Variants in TLCD4 observed in about 807,000 individuals in gnomAD.
TLCD4 encodes TLC domain containing 4, also known as TLC domain-containing protein 4.
Under a neutral mutation model 24.2 loss-of-function variants are expected in TLCD4, and 7 were observed. The ratio of observed to expected loss-of-function variants is 0.29; its 90% CI spans 0.16 to 0.54. TLCD4 has a LOEUF of 0.54. Ranked by LOEUF, TLCD4 falls within the 20% of genes least tolerant of loss-of-function variation. The pLI is 0.95. For synonymous variants in TLCD4, 103 were observed against 106.4 expected, an observed-to-expected ratio of 0.97 and a Z score of 0.20; for missense variants, 259 against 313.9, an observed-to-expected ratio of 0.82 and a Z score of 1.32.
intron 5 of TLCD4, among the ~76,000 whole-genome samples, chr1:95,167,600 C>T (rs1005952766): frequency 1.3e-5 from 2 of 151,982 alleles, no homozygotes; most frequent in Admixed American, 6.6e-5. Context: ...CCCTGACGCA[C>T]GGTAATCTAA....
At position 95,182,720 on chromosome 1, in the gene TLCD4, A is replaced by G. The variant is rs566125717; in HGVS notation, c.474-8830A>G. Among the ~76,000 whole-genome samples the G allele has an allele frequency of 2.0e-5, 3 of 152,282 alleles. No homozygotes were observed. The East Asian group carries it at 5.8e-4, about 29-fold the overall frequency. On this transcript the variant is annotated intron_variant, in intron 6 of 6. Transcript: ENST00000370203. ...AATAATTATATCTTGAAGACCTCCC[A>G]AAAAGGACTCAGGGGTCCATAAACC...
chr1:95,190,661 A>T (rs1678996161), intron 6 of TLCD4, among the ~76,000 whole-genome samples: 1 of 151,912 alleles, frequency 6.6e-6, no homozygotes, highest in African/African-American at 2.4e-5. Flanking sequence ...ACCTCAGGTG[A>T]TCCACCTGCC....
chr1:95,099,945 G>A, the TLCD4 span, among the ~76,000 whole-genome samples: 12 of 149,760 alleles, frequency 8.0e-5, no homozygotes, highest in African/African-American at 2.5e-4. Context: ...CAGCCTGGGC[G>A]ACTTGGTGAA....
chr1:95,182,734 G>T lies in TLCD4; in HGVS notation c.474-8816G>T, dbSNP rs185259769. On this transcript the variant is annotated intron_variant, in intron 6 of 6. Coordinates refer to ENST00000370203, the MANE Select transcript of TLCD4 (RefSeq NM_152487.3). ...GAAGACCTCCCAAAAAGGACTCAGG[G>T]GTCCATAAACCACATTTTAAGACCT... Among the ~76,000 whole-genome samples, 34 of 151,984 alleles carry T rather than the reference G, an allele frequency of 2.2e-4. 1 individual carries two copies. Among genetic ancestry groups the T allele is most frequent in the Middle Eastern group, 6.8e-3 (2 of 294 alleles).
chr1:95,139,720 A>G (rs541633092), intron 1 of TLCD4, among the ~76,000 whole-genome samples: 3 of 152,244 alleles, frequency 2.0e-5, no homozygotes, highest in Non-Finnish European at 2.9e-5. Context: ...TCGGCCTGCC[A>G]AAGTGCTGGG....
chr1:95,112,136 G>A, the TLCD4 span, among the ~76,000 whole-genome samples: 1 of 152,026 alleles, frequency 6.6e-6, no homozygotes, highest in African/African-American at 2.4e-5. Flanking sequence ...CTAGATGCCA[G>A]ACCATCCCCC....
At chr1:95,168,756 A>T (rs1678109809) in intron 5 of TLCD4, among the ~76,000 whole-genome samples, 1 of 152,094 alleles carries the variant, frequency 6.6e-6, no homozygotes, top group South Asian at 2.1e-4. Context: ...TTTAGAGGTG[A>T]TGTGCTTGTT....
At chr1:95,181,431 C>T (rs1678637582) in intron 6 of TLCD4, among the ~76,000 whole-genome samples, 1 of 151,882 alleles carries the variant, frequency 6.6e-6, no homozygotes. Flanking sequence ...GTGGATATTC[C>T]TTAATATGTC....
chr1:95,099,647 A>G, the TLCD4 span, among the ~76,000 whole-genome samples: 1 of 152,160 alleles, frequency 6.6e-6, no homozygotes, highest in Non-Finnish European at 1.5e-5. Flanking sequence ...ATTAATAAAC[A>G]AGAATGATCC....
intron 1 of TLCD4, chr1:95,138,456 G>A (rs1261466106): frequency 6.6e-6 from 1 of 152,152 alleles, no homozygotes; most frequent in Non-Finnish European, 1.5e-5. Context: ...GCTTAACAAT[G>A]GGGATACATT....
the TLCD4 span, among the ~76,000 whole-genome samples, chr1:95,095,940 G>C: frequency 6.6e-5 from 10 of 152,208 alleles, no homozygotes; most frequent in Non-Finnish European, 1.0e-4. Flanking sequence ...CAAGATATGA[G>C]GTAAGCGATC....
At chr1:95,139,943 C>T (rs1384443518) in intron 1 of TLCD4, among the ~76,000 whole-genome samples, 1 of 152,104 alleles carries the variant, frequency 6.6e-6, no homozygotes, top group Non-Finnish European at 1.5e-5. Flanking sequence ...TCTGTCAGAA[C>T]CATCAATATC....
intron 5 of TLCD4, among the ~76,000 whole-genome samples, chr1:95,161,892 T>G (rs1356954830): frequency 1.3e-5 from 2 of 152,266 alleles, no homozygotes; most frequent in Non-Finnish European, 2.9e-5. Flanking sequence ...TCTGTTCTTT[T>G]ACATTTGCTG....
intron 6 of TLCD4, among the ~76,000 whole-genome samples, chr1:95,182,503 T>C (rs909085211): frequency 6.6e-6 from 1 of 152,202 alleles, no homozygotes; most frequent in African/African-American, 2.4e-5. Context: ...CATTTCTAAC[T>C]GAAACTTTTC....
intron 6 of TLCD4, among the ~76,000 whole-genome samples, chr1:95,179,759 G>A (rs138699306): frequency 1.1e-3 from 172 of 152,244 alleles, no homozygotes; most frequent in African/African-American, 4.1e-3. Flanking sequence ...AGAAAGCTCT[G>A]CAAGAAGAGC....
intron 6 of TLCD4, among the ~76,000 whole-genome samples, chr1:95,177,255 G>GT (rs1257099927): frequency 6.6e-6 from 1 of 151,930 alleles, no homozygotes; most frequent in Admixed American, 6.6e-5. Context: ...CATATCCTCT[G>GT]TTTTCTCCCC....
intron 6 of TLCD4, 95 bp from the exon 7 acceptor site, chr1:95,191,455 C>T: frequency 6.9e-7 from 1 of 1,449,944 alleles, no homozygotes; most frequent in Non-Finnish European, 9.2e-7. Flanking sequence ...CTTTGCTCCT[C>T]CTTCACTGAA....
chr1:95,182,124 A>G (rs1169278208), intron 6 of TLCD4, among the ~76,000 whole-genome samples: 1 of 152,176 alleles, frequency 6.6e-6, no homozygotes, highest in African/African-American at 2.4e-5. Flanking sequence ...ATTTTCCAAT[A>G]TTCTGATTTT....
chr1:95,151,411 C>T lies in TLCD4; in HGVS notation c.391C>T (p.Leu131Phe). The T allele has an allele frequency of 6.2e-7, 1 of 1,612,726 alleles. No homozygotes were observed. ...HHCASLYAYY[L>F]VLKNGVLAYI... The stretch of plus-strand genomic sequence containing the variant: ...TTGTGCGTCCCTGTATGCATACTAC[C>T]TTGTACTGGTGAGTTCCAGGATTTT... Residue 131 changes from leucine to phenylalanine, a missense_variant, in exon 5 of 7, where the codon CTT (leucine) becomes TTT (phenylalanine). Coordinates refer to ENST00000370203, the MANE Select transcript of TLCD4 (RefSeq NM_152487.3).
Sources: gnomAD v4.1 joint callset for allele counts (sites outside exome capture counted in the v4.1 genomes callset) on GRCh38, gnomAD v4.1.1 for gene constraint, MANE v1.5 for transcripts, NCBI Gene and HGNC (gene_info 2026-07-23, HGNC 2026-07-21) for gene names.